CNTNAP4: variants seen among roughly 807,000 people sequenced by gnomAD.
The protein encoded by CNTNAP4 is contactin-associated protein-like 4.
In CNTNAP4, 98 loss-of-function variants were observed where a neutral mutation model predicts 148.4. The ratio of observed to expected loss-of-function variants is 0.66; its 90% CI spans 0.56 to 0.78. The LOEUF is 0.78. CNTNAP4 is among the 30% of genes least tolerant of loss of function. The probability of loss-of-function intolerance (pLI) is 0.00; values close to 1 mark genes in which losing one functional copy is unlikely to be tolerated. For missense variants in CNTNAP4, 1,935 were observed against 1,565.6 expected (o/e 1.24, Z -3.98); for synonymous variants, 730 against 565.1 (o/e 1.29, Z -4.14).
At chr16:76,400,868 T>C (rs989090038) in intron 3 of CNTNAP4, among the ~76,000 whole-genome samples, 1 of 152,188 alleles carries the variant, frequency 6.6e-6, no homozygotes, top group Admixed American at 6.5e-5. Context: ...GCCTTATTTC[T>C]GGGTACTCTG....
rs1597110424 is a variant in CNTNAP4 at position 76,540,698 on chromosome 16, T to G, written c.3355-5T>G. 2.6e-6 allele frequency: 4 copies of G among 1,553,006 alleles called. No homozygotes were observed. In the East Asian group the frequency reaches 9.5e-5, roughly 37 times the overall value. On this transcript the variant is annotated splice_region_variant and splice_polypyrimidine_tract_variant and intron_variant, in intron 20 of 23. Transcript: ENST00000611870. ...ATGTTTTTATCTTGTGTAATAATTT[T>G]GTAGATTGACGATAATAGAAGGAGA...
rs1276752302 is a variant in CNTNAP4, at chr16:76,355,334, T to A, written c.213T>A (p.Ser71=). The stretch of plus-strand genomic sequence containing the variant: ...TAATAAAAGGAGCTGGTGGCTGGTC[T>A]CCACTTGTGTCTAACAAATACCAGT... The part of the protein sequence containing the change: ...LNRRDGAGGW[S]PLVSNKYQWL... Residue 71 remains serine (S), a synonymous_variant, in exon 3 of 24, where the codon TCT becomes TCA. Transcript: ENST00000611870. 1.3e-6 allele frequency: 2 copies of A among 1,565,004 alleles called. No homozygotes were observed. The highest frequency in any genetic ancestry group is 1.2e-5 in the South Asian group (1 of 83,846).
intron 3 of CNTNAP4, among the ~76,000 whole-genome samples, chr16:76,366,813 CAA>C (rs975745002): frequency 6.6e-6 from 1 of 151,536 alleles, no homozygotes; most frequent in African/African-American, 2.4e-5. Flanking sequence ...GTACAAGAAA[CAA>C]AAAAAGAACT....
chr16:76,401,192 T>G (rs2078404212), intron 3 of CNTNAP4, among the ~76,000 whole-genome samples: 1 of 152,180 alleles, frequency 6.6e-6, no homozygotes, highest in Non-Finnish European at 1.5e-5. Context: ...TTTCCATTTG[T>G]GCATGTCATT....
intron 11 of CNTNAP4, among the ~76,000 whole-genome samples, chr16:76,477,262 T>C (rs2081619111): frequency 6.6e-6 from 1 of 152,144 alleles, no homozygotes. Flanking sequence ...AAGGCCCATG[T>C]TATTTCATTG....
At chr16:76,348,545 G>C (rs1296062782) in intron 2 of CNTNAP4, among the ~76,000 whole-genome samples, 2 of 152,110 alleles carry the variant, frequency 1.3e-5, no homozygotes, top group African/African-American at 4.8e-5. Context: ...AGAGCGAGAA[G>C]GAGCAAACAA....
Position 76,521,124 on chromosome 16 carries a change from T to C in CNTNAP4, c.2366-16T>C, listed in dbSNP as rs748007037. 3.8e-6 allele frequency: 6 copies of C among 1,562,904 alleles called. No individual in the cohort carries two copies. In the Admixed American group the frequency reaches 9.0e-5, roughly 23 times the overall value. ...TCTTTCTGAATTTTTTTTTCTTTTT[T>C]TTTTTCACAAAACAGGATCATTTTG... On this transcript the variant is annotated splice_polypyrimidine_tract_variant and intron_variant, in intron 15 of 23. Transcript: ENST00000611870.
At chr16:76,281,347 C>T (rs552494014) in intron 1 of CNTNAP4, among the ~76,000 whole-genome samples, 43 of 152,136 alleles carry the variant, frequency 2.8e-4, no homozygotes, top group African/African-American at 7.9e-4. Flanking sequence ...AAGATCAGCA[C>T]GTACTTTGAC....
intron 1 of CNTNAP4, among the ~76,000 whole-genome samples, chr16:76,300,540 A>C (rs1190561668): frequency 3.9e-5 from 6 of 152,226 alleles, no homozygotes; most frequent in African/African-American, 1.2e-4. Context: ...CAGAACTTAA[A>C]GTATAATCAA....
At chr16:76,532,351 T>G (rs1439373815) in intron 17 of CNTNAP4, among the ~76,000 whole-genome samples, 2 of 152,216 alleles carry the variant, frequency 1.3e-5, no homozygotes, top group Non-Finnish European at 2.9e-5. Flanking sequence ...TTTCCTCAGA[T>G]GGACCTGTGG....
At chr16:76,477,912 C>T (rs1440844913) in intron 11 of CNTNAP4, among the ~76,000 whole-genome samples, 4 of 152,144 alleles carry the variant, frequency 2.6e-5, no homozygotes, top group African/African-American at 9.7e-5. Flanking sequence ...TTACTTTCAT[C>T]TGTGACCCAC....
In CNTNAP4 at chr16:76,553,777, A is replaced by C. The variant is rs2085071985; in HGVS notation, c.3662-59A>C. 2.7e-6 allele frequency: 3 copies of C among 1,098,480 alleles called. No individual in the cohort carries two copies. In the Admixed American group the frequency reaches 6.2e-5, roughly 23 times the overall value. 68.0% of individuals were successfully genotyped at this position (1,098,480 alleles called of 1,614,324 possible). A position where few individuals can be genotyped will look rare whatever the true frequency, so the allele number is the denominator to read the frequency against. The stretch of plus-strand genomic sequence containing the variant: ...GGTTTAAAACATTTATGATGTTTTC[A>C]AAATTTCTTCTTTTACTTGCCTATA... On this transcript the variant is annotated intron_variant, in intron 22 of 23. Transcript: ENST00000611870.
intron 23 of CNTNAP4, among the ~76,000 whole-genome samples, chr16:76,556,974 G>C (rs1259423170): frequency 2.0e-5 from 3 of 152,098 alleles, no homozygotes; most frequent in Admixed American, 1.3e-4. Flanking sequence ...TCAAATCTTT[G>C]ACTTCCTCGC....
chr16:76,441,484 T>C (rs914119892), intron 4 of CNTNAP4, among the ~76,000 whole-genome samples: 9 of 152,196 alleles, frequency 5.9e-5, no homozygotes, highest in Non-Finnish European at 1.2e-4. Context: ...ACAATCTTTT[T>C]GAGTCTCTTC....
At chr16:76,391,544 G>C (rs1021310351) in intron 3 of CNTNAP4, among the ~76,000 whole-genome samples, 1 of 152,134 alleles carries the variant, frequency 6.6e-6, no homozygotes. Context: ...AGGTTGTCTT[G>C]TATGCTATTC....
intron 3 of CNTNAP4, among the ~76,000 whole-genome samples, chr16:76,403,844 C>T (rs1282794700): frequency 6.6e-6 from 1 of 152,150 alleles, no homozygotes; most frequent in Non-Finnish European, 1.5e-5. Flanking sequence ...GGTACATATA[C>T]ATCACAGAAT....
chr16:76,522,771 C>CTTTTCTTTTT (rs1568498566), intron 17 of CNTNAP4, among the ~76,000 whole-genome samples: 2 of 93,308 alleles, frequency 2.1e-5, no homozygotes, highest in Non-Finnish European at 4.5e-5. Flanking sequence ...CTTTTCTTTT[C>CTTTTCTTTTT]TTTTCTTTCT....
intron 3 of CNTNAP4, among the ~76,000 whole-genome samples, chr16:76,415,330 A>G (rs2078936511): frequency 6.6e-6 from 1 of 151,230 alleles, no homozygotes. Flanking sequence ...AAATATATTT[A>G]TAATCAATAA....
At chr16:76,540,681 A>G (rs767378574) in intron 20 of CNTNAP4, 22 bp from the exon 21 acceptor site, 3 of 1,515,466 alleles carry the variant, frequency 2.0e-6, no homozygotes, top group Middle Eastern at 1.7e-4. Context: ...GGATGTTTTT[A>G]TCTTGTGTAA....
Sources: gnomAD v4.1 joint callset for allele counts (sites outside exome capture counted in the v4.1 genomes callset) on GRCh38, gnomAD v4.1.1 for gene constraint, MANE v1.5 for transcripts, NCBI Gene and HGNC (gene_info 2026-07-23, HGNC 2026-07-21) for gene names.